Variants in QTMAN observed in about 807,000 individuals in gnomAD.
QTMAN encodes the protein queuosine-tRNA mannosyltransferase.
the QTMAN span, among the ~76,000 whole-genome samples, chr2:144,013,336 A>T: frequency 1.3e-5 from 2 of 152,150 alleles, no homozygotes; most frequent in East Asian, 3.9e-4. Flanking sequence ...CTTAAGAATT[A>T]ATGGTCAACA....
the QTMAN span, among the ~76,000 whole-genome samples, chr2:144,089,717 A>T: frequency 6.6e-6 from 1 of 152,050 alleles, no homozygotes; most frequent in Non-Finnish European, 1.5e-5. Context: ...TGGGAAGTAA[A>T]AAGTTTGATC....
chr2:144,010,818 A>C, the QTMAN span, among the ~76,000 whole-genome samples: 1 of 152,130 alleles, frequency 6.6e-6, no homozygotes, highest in African/African-American at 2.4e-5. Context: ...TCTCTAAGGA[A>C]AAAGAATAAT....
At chr2:144,094,987 C>A in the QTMAN span, among the ~76,000 whole-genome samples, 22 of 152,286 alleles carry the variant, frequency 1.4e-4, no homozygotes, top group East Asian at 4.2e-3. Context: ...TGACACAGCA[C>A]AACAGTCATC....
chr2:144,238,685 C>T, the QTMAN span, among the ~76,000 whole-genome samples: 2 of 152,124 alleles, frequency 1.3e-5, no homozygotes, highest in Non-Finnish European at 2.9e-5. Context: ...TTCTTCTCCA[C>T]TGCTTTCTTC....
At chr2:144,155,947 C>A in the QTMAN span, among the ~76,000 whole-genome samples, 7 of 150,698 alleles carry the variant, frequency 4.6e-5, no homozygotes, top group Non-Finnish European at 1.0e-4. Context: ...AATAAGCTAA[C>A]CAGGAAAAAT....
chr2:144,175,108 T>C, the QTMAN span, among the ~76,000 whole-genome samples: 1 of 151,936 alleles, frequency 6.6e-6, no homozygotes, highest in African/African-American at 2.4e-5. Flanking sequence ...AATTTAAAAC[T>C]GAACAAATCA....
the QTMAN span, among the ~76,000 whole-genome samples, chr2:144,187,946 G>T: frequency 6.6e-6 from 1 of 152,166 alleles, no homozygotes; most frequent in Non-Finnish European, 1.5e-5. Flanking sequence ...CACAGAGGAA[G>T]GTCATGTGAC....
the QTMAN span, among the ~76,000 whole-genome samples, chr2:144,278,044 C>T: frequency 5.3e-5 from 8 of 152,108 alleles, no homozygotes; most frequent in East Asian, 3.9e-4. Context: ...TGATGGCAGG[C>T]GAGGTAATGA....
the QTMAN span, among the ~76,000 whole-genome samples, chr2:144,316,280 T>C: frequency 1.3e-5 from 2 of 151,604 alleles, no homozygotes; most frequent in East Asian, 1.9e-4. Flanking sequence ...CCTAACCAAA[T>C]GGGTCCTTTC....
chr2:144,067,167 C>A, the QTMAN span, among the ~76,000 whole-genome samples: 1 of 152,178 alleles, frequency 6.6e-6, no homozygotes, highest in Non-Finnish European at 1.5e-5. Context: ...ACTGAGGCTT[C>A]AGAAAGACAT....
the QTMAN span, among the ~76,000 whole-genome samples, chr2:143,983,248 G>C: frequency 6.6e-6 from 1 of 152,074 alleles, no homozygotes; most frequent in Non-Finnish European, 1.5e-5. Flanking sequence ...GTGAAATGAT[G>C]TATGTGAAAC....
the QTMAN span, among the ~76,000 whole-genome samples, chr2:144,003,174 C>A: frequency 1.3e-5 from 2 of 151,782 alleles, no homozygotes; most frequent in Admixed American, 6.6e-5. Context: ...GGTATAATCC[C>A]AACAAACAAG....
At chr2:143,960,407 C>T in the QTMAN span, among the ~76,000 whole-genome samples, 2 of 152,024 alleles carry the variant, frequency 1.3e-5, no homozygotes, top group African/African-American at 4.8e-5. Flanking sequence ...GGAACACTGA[C>T]TAATCTAGGC....
At chr2:144,132,935 T>A in the QTMAN span, among the ~76,000 whole-genome samples, 2 of 136,702 alleles carry the variant, frequency 1.5e-5, no homozygotes, top group Non-Finnish European at 3.0e-5. Flanking sequence ...AATTTTCAGT[T>A]TACAAATTCA....
chr2:144,187,012 C>T, the QTMAN span, among the ~76,000 whole-genome samples: 1 of 152,066 alleles, frequency 6.6e-6, no homozygotes, highest in Non-Finnish European at 1.5e-5. Context: ...TCTTAAGATG[C>T]TTAATCTTAA....
the QTMAN span, among the ~76,000 whole-genome samples, chr2:144,305,348 T>C: frequency 6.6e-6 from 1 of 151,994 alleles, no homozygotes; most frequent in African/African-American, 2.4e-5. Context: ...GCACCATCTG[T>C]TGAAAAGACT....
At chr2:144,001,200 G>C in the QTMAN span, among the ~76,000 whole-genome samples, 4 of 152,066 alleles carry the variant, frequency 2.6e-5, no homozygotes, top group African/African-American at 7.2e-5. Flanking sequence ...GAGTCAAAGG[G>C]TGAAACAGAG....
At chr2:144,182,067 A>G in the QTMAN span, among the ~76,000 whole-genome samples, 1 of 152,144 alleles carries the variant, frequency 6.6e-6, no homozygotes, top group African/African-American at 2.4e-5. Flanking sequence ...TAAGTCATAC[A>G]TTAAAATTCA....
At chr2:144,045,496 T>TC in the QTMAN span, among the ~76,000 whole-genome samples, 4 of 152,172 alleles carry the variant, frequency 2.6e-5, no homozygotes, top group Non-Finnish European at 4.4e-5. Context: ...TCCCGGTGCA[T>TC]CAACTAGAAG....
Sources: allele counts gnomAD v4.1 joint callset (sites outside exome capture counted in the v4.1 genomes callset), GRCh38; gene constraint gnomAD v4.1.1; transcripts MANE v1.5; gene names NCBI Gene and HGNC (gene_info 2026-07-23, HGNC 2026-07-21).